Variants in PIK3CD observed in about 807,000 individuals in gnomAD.
PIK3CD encodes phosphatidylinositol-4,5-bisphosphate 3-kinase catalytic subunit delta, also known as phosphatidylinositol 4,5-bisphosphate 3-kinase catalytic subunit delta isoform.
PIK3CD carries 20 observed loss-of-function variants against 122.9 expected under a neutral mutation model. The ratio of observed to expected loss-of-function variants is 0.16; its 90% confidence interval spans 0.11 to 0.24. The LOEUF is 0.24. PIK3CD is among the 10% of genes least tolerant of loss of function. The pLI is 1.00. For missense variants in PIK3CD, 787 were observed against 1,406.3 expected (o/e 0.56, Z 7.04); for synonymous variants, 596 against 593.4 (o/e 1.00, Z -0.06).
chr1:9,648,970 C>T (rs965445970), upstream of PIK3CD, among the ~76,000 whole-genome samples: 7 of 152,118 alleles, frequency 4.6e-5, no homozygotes, highest in African/African-American at 1.7e-4. Context: ...GCCATGGTGG[C>T]ACGCATCTGC....
intron 2 of PIK3CD, among the ~76,000 whole-genome samples, chr1:9,703,891 A>G (rs1395129879): frequency 6.6e-6 from 1 of 152,162 alleles, no homozygotes; most frequent in East Asian, 1.9e-4. Flanking sequence ...TTGGAGCGGA[A>G]TTGCTGGGTC....
intron 1 of PIK3CD, among the ~76,000 whole-genome samples, chr1:9,683,891 G>C (rs953302975): frequency 6.6e-6 from 1 of 152,126 alleles, no homozygotes; most frequent in Non-Finnish European, 1.5e-5. Flanking sequence ...CTCATGTCTG[G>C]TACCTGGGTG....
intron 16 of PIK3CD, 52 bp from the exon 17 acceptor site, chr1:9,721,923 G>T: frequency 6.2e-7 from 1 of 1,612,644 alleles, no homozygotes. Flanking sequence ...AATCCCCAGG[G>T]CTGGGTCGAG....
At chr1:9,708,499 C>T (rs897874284) in intron 2 of PIK3CD, among the ~76,000 whole-genome samples, 8 of 151,904 alleles carry the variant, frequency 5.3e-5, no homozygotes, top group Non-Finnish European at 1.2e-4. Context: ...ATTTAAAGCA[C>T]GCACTAGTAC....
chr1:9,658,158 G>A (rs1411014633), intron 1 of PIK3CD, among the ~76,000 whole-genome samples: 1 of 152,048 alleles, frequency 6.6e-6, no homozygotes. Flanking sequence ...TAAGGAAGGA[G>A]GATCACTTGA....
chr1:9,719,593 A>G lies in PIK3CD; in HGVS notation c.1243-328A>G, dbSNP rs1648147458. Among the ~76,000 whole-genome samples, 1 of 151,606 alleles carries G rather than the reference A, an allele frequency of 6.6e-6. No individual in the cohort carries two copies. The highest frequency in any genetic ancestry group is 6.6e-5 in the Admixed American group (1 of 15,192). ...GGATAATTGCTTGAACCAAGGAGGC[A>G]GAGGTTGCAATGAGCCGAGATCGTG... On this transcript the variant is annotated intron_variant, in intron 9 of 23. Transcript: ENST00000377346. The surrounding 1 kb of genome is among the most constrained non-coding windows in gnomAD (Gnocchi z 5.5).
At chr1:9,632,835 G>C in the PIK3CD span, among the ~76,000 whole-genome samples, 3 of 151,208 alleles carry the variant, frequency 2.0e-5, no homozygotes, top group East Asian at 5.8e-4. Context: ...TCTAGGAGGT[G>C]ATATAATTAC....
intron 1 of PIK3CD, among the ~76,000 whole-genome samples, chr1:9,671,021 G>T (rs771984179): frequency 6.6e-6 from 1 of 152,098 alleles, no homozygotes; most frequent in African/African-American, 2.4e-5. Context: ...ACCTCCCAAA[G>T]TGCTGGGATT....
In PIK3CD at chr1:9,721,806, C is replaced by A. The variant is rs763166445; in HGVS notation, c.2001C>A (p.Ile667=). 1 of 1,613,240 alleles carries A rather than the reference C, an allele frequency of 6.2e-7. No homozygotes were observed. The highest frequency in any genetic ancestry group is 8.5e-7 in the Non-Finnish European group (1 of 1,179,926). ...VPSVALRFGL[I]LEAYCRGSTH... ...CGGTGGCCCTGCGCTTCGGCCTCATCCTGGAGGCCTACTGCAGGGGCAGCA... is the reference window on the plus strand; with the variant it reads ...CGGTGGCCCTGCGCTTCGGCCTCATACTGGAGGCCTACTGCAGGGGCAGCA... The change falls in exon 16 of 24, where the codon ATC becomes ATA. Residue 667 remains isoleucine, a synonymous_variant. Transcript: ENST00000377346.
At chr1:9,648,566 G>A (rs1214046936), upstream of PIK3CD, among the ~76,000 whole-genome samples, 2 of 152,212 alleles carry the variant, frequency 1.3e-5, no homozygotes, top group African/African-American at 2.4e-5. Context: ...CTTCTGAAAC[G>A]TCCATTTGTC....
At position 9,719,914 on chromosome 1, in the gene PIK3CD, T is replaced by C; in HGVS notation, c.1243-7T>C. ...TGGCTGTCCTCACCTGCCCTGTCCT[T>C]CTGCAGGACTGCCCCATTGCCTGGG... On this transcript the variant is annotated splice_polypyrimidine_tract_variant and splice_region_variant and intron_variant, in intron 9 of 23. Transcript: ENST00000377346. This position sits in a 1 kb window ranked among gnomAD's most constrained non-coding sequence, Gnocchi z 5.5. The C allele has an allele frequency of 6.2e-7, 1 of 1,612,846 alleles. No homozygotes were observed. The highest frequency in any genetic ancestry group is 1.1e-5 in the South Asian group (1 of 91,050).
chr1:9,715,529 C>A lies in PIK3CD; in HGVS notation c.142-12C>A. ...CTTGGGTGGAGGGGCTGACCGGTGA[C>A]TGTCCCTCCAGCTGCTGTGGCACCG... is the stretch of plus-strand genomic sequence containing the variant. On this transcript the variant is annotated splice_polypyrimidine_tract_variant and intron_variant, in intron 3 of 23. Transcript: ENST00000377346. This position sits in a 1 kb window ranked among gnomAD's most constrained non-coding sequence, Gnocchi z 4.1. 6.2e-7 allele frequency: 1 copy of A among 1,611,574 alleles called. No homozygotes were observed. The highest frequency in any genetic ancestry group is 8.5e-7 in the Non-Finnish European group (1 of 1,178,776).
intron 1 of PIK3CD, among the ~76,000 whole-genome samples, chr1:9,683,776 G>A (rs775274659): frequency 1.3e-5 from 2 of 152,116 alleles, no homozygotes; most frequent in Non-Finnish European, 1.5e-5. Context: ...TCAGCAGGAC[G>A]GCCTGGCTCT....
intron 2 of PIK3CD, among the ~76,000 whole-genome samples, chr1:9,707,464 A>G (rs1020505282): frequency 3.3e-5 from 5 of 151,898 alleles, no homozygotes; most frequent in Non-Finnish European, 5.9e-5. Context: ...GTCGTCACCC[A>G]GGTATTAAGC....
At chr1:9,662,699 T>C (rs1455347974) in intron 1 of PIK3CD, 1 of 152,180 alleles carries the variant, frequency 6.6e-6, no homozygotes, top group Non-Finnish European at 1.5e-5. Flanking sequence ...CTTTCTTCTT[T>C]TTTTTTTGAG....
At position 9,689,514 on chromosome 1, in the gene PIK3CD, C is replaced by A. The variant is rs1011136277; in HGVS notation, c.-137-1953C>A. Among the ~76,000 whole-genome samples, 47 of 147,372 alleles carry A rather than the reference C, an allele frequency of 3.2e-4. No homozygotes were observed. The highest frequency in any genetic ancestry group is 1.1e-3 in the African/African-American group (44 of 40,868). On this transcript the variant is annotated intron_variant, in intron 1 of 23. Coordinates refer to ENST00000377346, the MANE Select transcript of PIK3CD (RefSeq NM_005026.5). The surrounding 1 kb of genome is among the most constrained non-coding windows in gnomAD (Gnocchi z 6.1). ...CCAGCCGGCGCCCCGCCCCGCCTGC[C>A]AGTAGTCCCAGCCCCGCCCCGGGCC...
In PIK3CD at chr1:9,689,741, G is replaced by C. The variant is rs1466640256; in HGVS notation, c.-137-1726G>C. ...CACCCGGTACGGAGCCCACCTGTGC[G>C]GGCGTCTGCGGGGTCCCCGTGCCCC... On this transcript the variant is annotated intron_variant, in intron 1 of 23. Transcript: ENST00000377346. The surrounding 1 kb of genome is among the most constrained non-coding windows in gnomAD (Gnocchi z 6.1). 6.6e-6 allele frequency among the ~76,000 whole-genome samples: 1 copy of C among 151,188 alleles called. No homozygotes were observed. Among genetic ancestry groups the C allele is most frequent in the Non-Finnish European group, 1.5e-5 (1 of 67,622 alleles).
At chr1:9,649,165 C>A (rs929137034), upstream of PIK3CD, among the ~76,000 whole-genome samples, 1 of 151,994 alleles carries the variant, frequency 6.6e-6, no homozygotes, top group Non-Finnish European at 1.5e-5. Context: ...GAGCAAGCCA[C>A]TCCATCTTAC....
chr1:9,711,385 G>A (rs905068610), intron 3 of PIK3CD, among the ~76,000 whole-genome samples: 48 of 152,232 alleles, frequency 3.2e-4, no homozygotes, highest in African/African-American at 1.1e-3. Context: ...GTGAGTCACC[G>A]CGCCCGACCC....
Sources: allele counts gnomAD v4.1 joint callset (sites outside exome capture counted in the v4.1 genomes callset), GRCh38; gene constraint gnomAD v4.1.1; non-coding constraint Gnocchi (gnomAD v3.1); transcripts MANE v1.5; gene names NCBI Gene and HGNC (gene_info 2026-07-23, HGNC 2026-07-21).